Variants in ADGRL3 observed in about 807,000 individuals in gnomAD.
The protein encoded by ADGRL3 is calcium-independent alpha-latrotoxin receptor 3.
ADGRL3 carries 62 observed loss-of-function variants against 153.5 expected under a neutral mutation model. That is an observed-to-expected ratio of 0.40 (90% CI 0.33 to 0.50). The LOEUF (loss-of-function observed/expected upper bound fraction) is 0.50. Among genes scored for constraint, ADGRL3 ranks in the 20% least tolerant of loss-of-function variants. ADGRL3 has a pLI of 0.47. For missense variants in ADGRL3, 1,641 were observed against 1,859.4 expected, an observed-to-expected ratio of 0.88 and a Z score of 2.16; for synonymous variants, 710 against 672.5, an observed-to-expected ratio of 1.06 and a Z score of -0.86.
chr4:61,999,484 A>G (rs930261988), intron 21 of ADGRL3, among the ~76,000 whole-genome samples: 1 of 152,216 alleles, frequency 6.6e-6, no homozygotes, highest in African/African-American at 2.4e-5. Flanking sequence ...TTATTAAGAT[A>G]TGATATATTA....
chr4:61,475,781 A>T (rs913465715), intron 2 of ADGRL3, among the ~76,000 whole-genome samples: 2 of 152,192 alleles, frequency 1.3e-5, no homozygotes, highest in African/African-American at 4.8e-5. Flanking sequence ...ATATTACTTC[A>T]TAGATTTATA....
intron 9 of ADGRL3, among the ~76,000 whole-genome samples, chr4:61,872,599 C>T (rs980011272): frequency 4.7e-5 from 7 of 150,220 alleles, no homozygotes; most frequent in African/African-American, 1.7e-4. Context: ...AGGTTTCATT[C>T]AGACATTTAC....
rs564791978 is a variant in ADGRL3 at position 61,922,854 on chromosome 4, A to G, written c.2112+10097A>G. Among the ~76,000 whole-genome samples the G allele has an allele frequency of 9.8e-5, 15 of 152,324 alleles. 1 individual carries two copies. The South Asian group carries it at 1.9e-3, about 19-fold the overall frequency. ...AGGAAAATAGCCAGTAAATCAGTCAATCAATCAAAGTAATAAAATAAGATT... is the reference window on the plus strand; with the variant it reads ...AGGAAAATAGCCAGTAAATCAGTCAGTCAATCAAAGTAATAAAATAAGATT... On this transcript the variant is annotated intron_variant, in intron 13 of 26. Transcript: ENST00000683033.
chr4:62,016,302 C>T (rs2099211528), intron 21 of ADGRL3, among the ~76,000 whole-genome samples: 1 of 152,188 alleles, frequency 6.6e-6, no homozygotes, highest in African/African-American at 2.4e-5. Context: ...CCCCCTCGGC[C>T]TCCCAAAGTG....
chr4:61,884,183 C>T (rs28636474), intron 9 of ADGRL3, among the ~76,000 whole-genome samples: 73,123 of 151,918 alleles, frequency 0.48, 18,202 homozygotes, highest in Middle Eastern at 0.57. Context: ...ATAACATATG[C>T]CATATTCTGA....
chr4:61,445,091 T>C (rs144233798), intron 2 of ADGRL3, among the ~76,000 whole-genome samples: 146 of 152,208 alleles, frequency 9.6e-4, no homozygotes, highest in African/African-American at 3.4e-3. Flanking sequence ...ATGTGGAGGA[T>C]AATTTCACTG....
intron 8 of ADGRL3, among the ~76,000 whole-genome samples, chr4:61,799,039 A>ATATC (rs2097454971): frequency 9.3e-6 from 1 of 107,422 alleles, no homozygotes; most frequent in Non-Finnish European, 1.8e-5. Flanking sequence ...ATATATATAT[A>ATATC]CCATATATTG....
intron 9 of ADGRL3, among the ~76,000 whole-genome samples, chr4:61,891,717 C>G (rs2098587742): frequency 6.6e-6 from 1 of 152,050 alleles, no homozygotes; most frequent in South Asian, 2.1e-4. Context: ...AGCCAATATC[C>G]CTACAGTTTA....
Position 61,909,631 on chromosome 4 carries a change from T to A in ADGRL3, c.1959T>A (p.Ala653=). The A allele has an allele frequency of 6.2e-7, 1 of 1,613,470 alleles. No individual in the cohort carries two copies. The highest frequency in any genetic ancestry group is 8.5e-7 in the Non-Finnish European group (1 of 1,179,728). Residue 653 remains alanine, a synonymous_variant, in exon 12 of 27, where the codon GCT becomes GCA. Coordinates refer to ENST00000683033, the MANE Select transcript of ADGRL3 (RefSeq NM_001387552.1). ...LAEQTRNHLN[A]GDITYSVRAM... is the part of the protein sequence containing the mutation. Reference sequence around the variant, plus strand: ...AACAGACAAGAAATCACTTGAATGCTGGGGACATCACCTACTCTGTCCGGG... The same window carrying A: ...AACAGACAAGAAATCACTTGAATGCAGGGGACATCACCTACTCTGTCCGGG...
intron 1 of ADGRL3, among the ~76,000 whole-genome samples, chr4:61,327,930 A>G (rs953156730): frequency 4.6e-5 from 7 of 152,112 alleles, no homozygotes. Flanking sequence ...AAATGAAGAA[A>G]TGGAAATTGC....
chr4:61,948,678 T>A (rs2150322367), intron 17 of ADGRL3, among the ~76,000 whole-genome samples: 1 of 152,186 alleles, frequency 6.6e-6, no homozygotes, highest in African/African-American at 2.4e-5. Flanking sequence ...AAACTGACTC[T>A]TGGGAAAGCA....
Position 61,268,064 on chromosome 4 carries a change from A to G in ADGRL3, c.-240+66299A>G, listed in dbSNP as rs958101307. On this transcript the variant is annotated intron_variant, in intron 1 of 26. Transcript: ENST00000683033. ...ACATTGGCCAACGTGCCATTTTTAA[A>G]TGACTCCATGTAAATGTATGACTGG... Among the ~76,000 whole-genome samples the G allele has an allele frequency of 4.0e-5, 6 of 151,774 alleles. No individual in the cohort carries two copies. In the South Asian group the frequency reaches 1.2e-3, roughly 31 times the overall value.
intron 2 of ADGRL3, among the ~76,000 whole-genome samples, chr4:61,456,434 TATATAG>T (rs1234348804): frequency 5.7e-5 from 7 of 123,774 alleles, no homozygotes; most frequent in African/African-American, 2.2e-4. Context: ...TATATCTATA[TATATAG>T]ATATATCTAT....
intron 1 of ADGRL3, among the ~76,000 whole-genome samples, chr4:61,293,712 T>C (rs2094308205): frequency 6.6e-6 from 1 of 152,192 alleles, no homozygotes; most frequent in African/African-American, 2.4e-5. Flanking sequence ...GTAAACTCAC[T>C]TTTTAATAAG....
chr4:61,290,404 G>A (rs1324518637), intron 1 of ADGRL3, among the ~76,000 whole-genome samples: 1 of 151,950 alleles, frequency 6.6e-6, no homozygotes, highest in Non-Finnish European at 1.5e-5. Flanking sequence ...TAATGTAGTG[G>A]CTTATATTCT....
intron 21 of ADGRL3, among the ~76,000 whole-genome samples, chr4:62,020,734 G>GT (rs988763675): frequency 1.3e-5 from 2 of 152,042 alleles, no homozygotes; most frequent in Non-Finnish European, 2.9e-5. Flanking sequence ...CACATGTGAT[G>GT]TTATGTCTTA....
intron 5 of ADGRL3, among the ~76,000 whole-genome samples, chr4:61,665,378 T>C (rs748173645): frequency 1.3e-5 from 2 of 152,160 alleles, no homozygotes; most frequent in Non-Finnish European, 2.9e-5. Flanking sequence ...ACCATTGCAC[T>C]TTAGCCTGGG....
intron 1 of ADGRL3, among the ~76,000 whole-genome samples, chr4:61,250,082 C>T (rs185018097): frequency 2.0e-5 from 3 of 152,256 alleles, no homozygotes; most frequent in East Asian, 1.9e-4. Context: ...TAATGCCTTA[C>T]TCAGTGTTGG....
intron 1 of ADGRL3, among the ~76,000 whole-genome samples, chr4:61,289,462 G>A (rs554680614): frequency 3.3e-5 from 5 of 151,822 alleles, no homozygotes; most frequent in Non-Finnish European, 4.4e-5. Flanking sequence ...AACATACTGC[G>A]TAGTAGATTA....
Sources: gnomAD v4.1 joint callset for allele counts (sites outside exome capture counted in the v4.1 genomes callset) on GRCh38, gnomAD v4.1.1 for gene constraint, MANE v1.5 for transcripts, NCBI Gene and HGNC (gene_info 2026-07-23, HGNC 2026-07-21) for gene names.